Variants in COL19A1 observed in about 807,000 individuals in gnomAD.
COL19A1 encodes collagen alpha-1(XIX) chain.
COL19A1 carries 159 observed loss-of-function variants against 190.2 expected under a neutral mutation model. The ratio of observed to expected loss-of-function variants is 0.84; its 90% CI spans 0.73 to 0.95. The LOEUF (loss-of-function observed/expected upper bound fraction) is 0.95. Among genes scored for constraint, COL19A1 ranks in the 40% least tolerant of loss-of-function variants. COL19A1 has a pLI of 0.00. For missense variants in COL19A1, 1,418 were observed against 1,431.9 expected (o/e 0.99, Z 0.16); for synonymous variants, 509 against 458.9 (o/e 1.11, Z -1.39).
intron 2 of COL19A1, among the ~76,000 whole-genome samples, chr6:69,898,488 G>T (rs1271461479): frequency 2.0e-5 from 3 of 151,866 alleles, no homozygotes; most frequent in African/African-American, 7.3e-5. Flanking sequence ...AGAGATCTTT[G>T]CTTTTTAAAT....
intron 15 of COL19A1, among the ~76,000 whole-genome samples, chr6:70,080,180 G>A (rs1322124505): frequency 6.6e-6 from 1 of 151,800 alleles, no homozygotes; most frequent in Non-Finnish European, 1.5e-5. Flanking sequence ...ATATGATTTA[G>A]TAAAACATTT....
chr6:70,070,210 A>G (rs1282189322), intron 15 of COL19A1, among the ~76,000 whole-genome samples: 1 of 152,174 alleles, frequency 6.6e-6, no homozygotes, highest in Admixed American at 6.6e-5. Flanking sequence ...TAATGCTTCA[A>G]ATTAAAATTG....
At chr6:70,006,789 TATG>T (rs2150090256) in intron 11 of COL19A1, among the ~76,000 whole-genome samples, 1 of 152,180 alleles carries the variant, frequency 6.6e-6, no homozygotes, top group East Asian at 1.9e-4. Flanking sequence ...ATATATTATA[TATG>T]ATATCAATGA....
chr6:70,034,569 A>G (rs756111261), intron 13 of COL19A1, among the ~76,000 whole-genome samples: 103 of 152,204 alleles, frequency 6.8e-4, no homozygotes, highest in Non-Finnish European at 1.0e-3. Context: ...TTCAATCATC[A>G]AATTAGCAAG....
intron 18 of COL19A1, among the ~76,000 whole-genome samples, chr6:70,131,563 T>C (rs552745598): frequency 1.1e-4 from 16 of 152,350 alleles, no homozygotes; most frequent in Admixed American, 5.2e-4. Flanking sequence ...TTATTGCTAG[T>C]ACATTAACAT....
chr6:70,070,144 C>T (rs1045856684), intron 15 of COL19A1, among the ~76,000 whole-genome samples: 26 of 152,198 alleles, frequency 1.7e-4, no homozygotes, highest in Middle Eastern at 6.8e-3. Context: ...TTATGACAGA[C>T]TTGTTAGATA....
intron 20 of COL19A1, 106 bp from the exon 21 acceptor site, chr6:70,141,787 C>A: frequency 1.4e-6 from 1 of 726,280 alleles, no homozygotes; most frequent in Non-Finnish European, 2.3e-6. Flanking sequence ...TCCATAATTT[C>A]CCTTTTTATT....
chr6:70,135,425 C>T (rs1785796897), intron 18 of COL19A1, among the ~76,000 whole-genome samples: 1 of 152,142 alleles, frequency 6.6e-6, no homozygotes, highest in South Asian at 2.1e-4. Context: ...CCGAAGCTAC[C>T]TAGGGGCTGC....
rs1774662406 is a variant in COL19A1, at chr6:69,959,861, T to G, written c.937-135T>G. The G allele has an allele frequency of 8.1e-6, 5 of 614,672 alleles. No individual in the cohort carries two copies. In the South Asian group the frequency reaches 1.6e-4, roughly 19 times the overall value. The allele number at this position is 614,672 out of a possible 1,614,324, so 38.1% of individuals were successfully genotyped here. On this transcript the variant is annotated intron_variant, in intron 9 of 50. Coordinates refer to ENST00000620364, the MANE Select transcript of COL19A1 (RefSeq NM_001858.6). Reference sequence around the variant, plus strand: ...TGAGAAATAAGGAACAGATGGAAAGTCCCTATGCATGATAGATATTCAGTA... The same window carrying G: ...TGAGAAATAAGGAACAGATGGAAAGGCCCTATGCATGATAGATATTCAGTA...
intron 6 of COL19A1, among the ~76,000 whole-genome samples, chr6:69,932,057 T>C (rs1359330529): frequency 6.6e-6 from 1 of 152,128 alleles, no homozygotes; most frequent in Non-Finnish European, 1.5e-5. Context: ...ATTATATTGC[T>C]ATTTTATCAA....
chr6:69,942,095 A>C (rs1387756512), intron 9 of COL19A1, among the ~76,000 whole-genome samples: 1 of 152,210 alleles, frequency 6.6e-6, no homozygotes. Flanking sequence ...CATTAACTGT[A>C]TAATATTAGT....
At chr6:70,128,101 T>C (rs1168722998) in intron 17 of COL19A1, among the ~76,000 whole-genome samples, 1 of 152,244 alleles carries the variant, frequency 6.6e-6, no homozygotes, top group Non-Finnish European at 1.5e-5. Context: ...CTCATATGTG[T>C]ATTTGTTGCA....
intron 18 of COL19A1, among the ~76,000 whole-genome samples, chr6:70,131,859 T>C (rs2150224461): frequency 6.6e-6 from 1 of 152,084 alleles, no homozygotes; most frequent in African/African-American, 2.4e-5. Flanking sequence ...GATGAGAAAT[T>C]TGATTCTGTA....
chr6:69,998,855 C>T (rs1442074800), intron 11 of COL19A1, among the ~76,000 whole-genome samples: 2 of 152,106 alleles, frequency 1.3e-5, no homozygotes, highest in South Asian at 2.1e-4. Flanking sequence ...CACATCCATA[C>T]ATCTATCCAT....
intron 16 of COL19A1, among the ~76,000 whole-genome samples, chr6:70,104,177 G>T (rs992318339): frequency 6.6e-6 from 1 of 152,162 alleles, no homozygotes; most frequent in Non-Finnish European, 1.5e-5. Flanking sequence ...GAATGAGGGG[G>T]TGAGGAAGCA....
At chr6:70,124,410 A>T (rs796238001) in intron 17 of COL19A1, among the ~76,000 whole-genome samples, 3 of 152,310 alleles carry the variant, frequency 2.0e-5, no homozygotes, top group African/African-American at 7.2e-5. Context: ...TAAAGCTCAC[A>T]TCTTTACAGG....
chr6:69,921,050 A>G (rs866869566), intron 4 of COL19A1, among the ~76,000 whole-genome samples: 426 of 30,428 alleles, frequency 0.014, 4 homozygotes, highest in Non-Finnish European at 0.027. Context: ...ATATTCATAG[A>G]CATATCATAT....
At chr6:70,069,767 CT>C (rs561053396) in intron 15 of COL19A1, among the ~76,000 whole-genome samples, 69 of 152,220 alleles carry the variant, frequency 4.5e-4, no homozygotes, top group African/African-American at 1.6e-3. Flanking sequence ...GTACAGTTAC[CT>C]TTTTGAATCA....
chr6:69,942,051 A>G (rs1286821753), intron 9 of COL19A1, among the ~76,000 whole-genome samples: 2 of 152,182 alleles, frequency 1.3e-5, no homozygotes, highest in African/African-American at 2.4e-5. Flanking sequence ...GTCGATTAGA[A>G]GCCATCCAGA....
Sources: gnomAD v4.1 joint callset for allele counts (sites outside exome capture counted in the v4.1 genomes callset) on GRCh38, gnomAD v4.1.1 for gene constraint, MANE v1.5 for transcripts, NCBI Gene and HGNC (gene_info 2026-07-23, HGNC 2026-07-21) for gene names.